The following SORCS3 variants were observed in gnomAD, a reference collection of about 807,000 sequenced individuals.
SORCS3 encodes VPS10 domain-containing receptor SorCS3.
Under a neutral mutation model 146.3 loss-of-function variants are expected in SORCS3, and 57 were observed. The observed-to-expected ratio is 0.39, with a 90% CI of 0.31 to 0.49. The LOEUF is 0.49. SORCS3 is among the 20% of genes least tolerant of loss of function. The probability of loss-of-function intolerance (pLI) is 0.92; values close to 1 mark genes in which losing one functional copy is unlikely to be tolerated. For missense variants in SORCS3, 1,341 were observed against 1,575.5 expected, an observed-to-expected ratio of 0.85 and a Z score of 2.52; for synonymous variants, 653 against 618.5, an observed-to-expected ratio of 1.06 and a Z score of -0.83.
chr10:105,117,332 A>G (rs999024512), intron 7 of SORCS3, among the ~76,000 whole-genome samples: 35 of 152,300 alleles, frequency 2.3e-4, no homozygotes, highest in African/African-American at 7.5e-4. Context: ...ACTTAATGCA[A>G]GGCAATCTTG....
Position 105,165,563 on chromosome 10 carries a change from A to T in SORCS3, c.1809+1184A>T, listed in dbSNP as rs576882397. ...GCAACTATGTCAAGTACTGCAAGGC[A>T]CACAGTCAATAATAAGTTAAGGTTC... On this transcript the variant is annotated intron_variant, in intron 12 of 26. Transcript: ENST00000369701. Among the ~76,000 whole-genome samples, 5 of 152,306 alleles carry T rather than the reference A, an allele frequency of 3.3e-5. No individual in the cohort carries two copies. The East Asian group carries it at 9.6e-4, about 29-fold the overall frequency.
At chr10:104,693,134 C>T (rs2016133897) in intron 1 of SORCS3, among the ~76,000 whole-genome samples, 1 of 152,180 alleles carries the variant, frequency 6.6e-6, no homozygotes, top group Non-Finnish European at 1.5e-5. Context: ...AGTAAGGTAG[C>T]CTCTGTGGGG....
At chr10:104,991,742 G>A (rs958677136) in intron 4 of SORCS3, among the ~76,000 whole-genome samples, 9 of 151,980 alleles carry the variant, frequency 5.9e-5, no homozygotes, top group Admixed American at 5.9e-4. Context: ...CTTGTGATCC[G>A]CCCACCTTGG....
chr10:105,224,605 G>C (rs75967416), intron 20 of SORCS3, among the ~76,000 whole-genome samples: 3,697 of 152,262 alleles, frequency 0.024, 156 homozygotes, highest in African/African-American at 0.083. Flanking sequence ...TAAATACTAA[G>C]AGCATGATTT....
intron 16 of SORCS3, among the ~76,000 whole-genome samples, chr10:105,201,845 G>A (rs984569762): frequency 6.6e-6 from 1 of 152,104 alleles, no homozygotes; most frequent in African/African-American, 2.4e-5. Context: ...TCACTATCAG[G>A]GTTATCAAAC....
At chr10:104,916,913 C>T (rs138607428) in intron 3 of SORCS3, among the ~76,000 whole-genome samples, 3 of 152,276 alleles carry the variant, frequency 2.0e-5, no homozygotes, top group African/African-American at 7.2e-5. Context: ...ATGGTAGAGT[C>T]CAAACTGTGG....
At chr10:104,907,377 C>T (rs761450436) in intron 2 of SORCS3, among the ~76,000 whole-genome samples, 8 of 152,092 alleles carry the variant, frequency 5.3e-5, no homozygotes, top group Non-Finnish European at 7.4e-5. Flanking sequence ...TAACAACTCA[C>T]CATCCTATTT....
chr10:104,717,805 A>T (rs1479275179), intron 1 of SORCS3, among the ~76,000 whole-genome samples: 1 of 152,160 alleles, frequency 6.6e-6, no homozygotes, highest in African/African-American at 2.4e-5. Context: ...GGGCTGCTAT[A>T]ACAGTATACC....
intron 8 of SORCS3, among the ~76,000 whole-genome samples, chr10:105,143,942 C>G (rs552662578): frequency 1.3e-5 from 2 of 152,240 alleles, no homozygotes; most frequent in African/African-American, 4.8e-5. Flanking sequence ...AAGCCTTTCT[C>G]CCTGCCTCTA....
chr10:104,650,202 G>T (rs1373510319), intron 1 of SORCS3, among the ~76,000 whole-genome samples: 1 of 152,190 alleles, frequency 6.6e-6, no homozygotes, highest in Non-Finnish European at 1.5e-5. Context: ...TAGAGTTGTA[G>T]GCTTGAGTTC....
At chr10:104,683,913 G>A (rs567276539) in intron 1 of SORCS3, among the ~76,000 whole-genome samples, 1 of 152,184 alleles carries the variant, frequency 6.6e-6, no homozygotes. Context: ...CCCTCTCATT[G>A]AGTTATAACC....
At chr10:105,053,883 T>A (rs1328580196) in intron 5 of SORCS3, among the ~76,000 whole-genome samples, 1 of 152,072 alleles carries the variant, frequency 6.6e-6, no homozygotes, top group East Asian at 1.9e-4. Context: ...ATTATTATGA[T>A]TTTTTTAGGA....
At chr10:105,075,712 G>A (rs1303852213) in intron 5 of SORCS3, among the ~76,000 whole-genome samples, 1 of 152,170 alleles carries the variant, frequency 6.6e-6, no homozygotes, top group Non-Finnish European at 1.5e-5. Flanking sequence ...AGCTGTCAGT[G>A]CAGAGGGGAA....
chr10:104,974,824 T>C (rs971946917), intron 3 of SORCS3, among the ~76,000 whole-genome samples: 8 of 152,222 alleles, frequency 5.3e-5, no homozygotes, highest in Admixed American at 5.2e-4. Flanking sequence ...GATTTTGCAG[T>C]GGCTGGTACC....
intron 2 of SORCS3, among the ~76,000 whole-genome samples, chr10:104,873,218 C>T (rs2018537012): frequency 6.6e-6 from 1 of 152,236 alleles, no homozygotes; most frequent in Non-Finnish European, 1.5e-5. Flanking sequence ...GTAAGGAATG[C>T]AGAATGCTGA....
intron 20 of SORCS3, among the ~76,000 whole-genome samples, chr10:105,242,594 ATG>A (rs1273676189): frequency 2.9e-4 from 26 of 89,444 alleles, no homozygotes; most frequent in East Asian, 3.7e-4. Context: ...ATATTTATAT[ATG>A]TTTATATACA....
In SORCS3 at chr10:105,056,738, C is replaced by T. The variant is rs1382932478; in HGVS notation, c.1028+13610C>T. On this transcript the variant is annotated intron_variant, in intron 5 of 26. Transcript: ENST00000369701. ...ATTATACAGTTGTACACTTTAAATGCGTGTACCAAATGTACATTTTTTGAA... is the reference window on the plus strand; with the variant it reads ...ATTATACAGTTGTACACTTTAAATGTGTGTACCAAATGTACATTTTTTGAA... Among the ~76,000 whole-genome samples the T allele has an allele frequency of 7.9e-5, 12 of 152,254 alleles. No homozygotes were observed. The East Asian group carries it at 1.2e-3, about 15-fold the overall frequency.
chr10:104,857,206 G>T (rs1423857420), intron 2 of SORCS3, among the ~76,000 whole-genome samples: 1 of 151,724 alleles, frequency 6.6e-6, no homozygotes, highest in East Asian at 1.9e-4. Context: ...TGTGAATGCA[G>T]TTCAGGGAAG....
chr10:104,860,659 C>A (rs1431790986), intron 2 of SORCS3, among the ~76,000 whole-genome samples: 1 of 152,068 alleles, frequency 6.6e-6, no homozygotes, highest in Non-Finnish European at 1.5e-5. Context: ...TACCATGTGC[C>A]GGACAATGAT....
Sources: gnomAD v4.1 joint callset for allele counts (sites outside exome capture counted in the v4.1 genomes callset) on GRCh38, gnomAD v4.1.1 for gene constraint, MANE v1.5 for transcripts, NCBI Gene and HGNC (gene_info 2026-07-23, HGNC 2026-07-21) for gene names.